Variants in TRPM4 observed in about 807,000 individuals in gnomAD.
TRPM4 encodes the protein calcium-activated non-selective cation channel 1.
In TRPM4, 124 loss-of-function variants were observed where a neutral mutation model predicts 135.6. The observed-to-expected ratio is 0.91, with a 90% CI of 0.79 to 1.06. TRPM4 has a LOEUF of 1.06. TRPM4 is among the 50% of genes least tolerant of loss of function. The probability of loss-of-function intolerance (pLI) is 0.00; values close to 1 mark genes in which losing one functional copy is unlikely to be tolerated. For missense variants in TRPM4, 1,658 were observed against 1,671.4 expected, an observed-to-expected ratio of 0.99 and a Z score of 0.14; for synonymous variants, 745 against 705.6, an observed-to-expected ratio of 1.06 and a Z score of -0.88.
intron 2 of TRPM4, among the ~76,000 whole-genome samples, chr19:49,163,386 A>G (rs1215114958): frequency 2.0e-5 from 3 of 147,340 alleles, no homozygotes; most frequent in Non-Finnish European, 3.0e-5. Flanking sequence ...AGTAGAGATA[A>G]GGTTTCACTA....
intron 9 of TRPM4, among the ~76,000 whole-genome samples, chr19:49,175,705 G>A (rs1389819788): frequency 1.3e-5 from 2 of 148,610 alleles, no homozygotes; most frequent in Admixed American, 1.3e-4. Flanking sequence ...CTGTCGCCCA[G>A]GCTGGAGTGC....
At chr19:49,197,296 CTCTTTCTTTCTTTTTCTTTCTTTCTT>C (rs1200532694) in intron 17 of TRPM4, among the ~76,000 whole-genome samples, 3 of 124,628 alleles carry the variant, frequency 2.4e-5, no homozygotes, top group Admixed American at 8.0e-5. Flanking sequence ...TTCTTTCTTT[CTCTTTCTTTCTTTTTCTTTCTTTCTT>C]TCTTTCTTTC....
Position 49,182,806 on chromosome 19 carries a change from CTCCGGCCCCCTGA to C in TRPM4, c.1493_1505del (p.Leu498ProfsTer6), listed in dbSNP as rs746896879. On this transcript the variant is annotated frameshift_variant, in exon 11 of 25. Coordinates refer to ENST00000252826, the MANE Select transcript of TRPM4 (RefSeq NM_017636.4). LOFTEE classifies it high-confidence loss of function. ...AGCCCTAAAAGGGGGAGCTGCGGAGCTCCGGCCCCCTGACGTGGGGCATGTGCTGAGGATGCTG... is the reference window on the plus strand; with the variant it reads ...AGCCCTAAAAGGGGGAGCTGCGGAGCCGTGGGGCATGTGCTGAGGATGCTG... 3.2e-6 allele frequency: 5 copies of C among 1,577,516 alleles called. No homozygotes were observed. The highest frequency in any genetic ancestry group is 4.4e-6 in the Non-Finnish European group (5 of 1,148,768).
chr19:49,210,843 G>T lies in TRPM4; in HGVS notation c.3461+1G>T. ...AGCGTCTGAAGCGCACGTCCCAGAA[G>T]TGAGAGCGGGGCCTGGTCGGGGATG... is the stretch of plus-strand genomic sequence containing the variant. On this transcript the variant is annotated splice_donor_variant, in intron 22 of 24. Coordinates refer to ENST00000252826, the MANE Select transcript of TRPM4 (RefSeq NM_017636.4). LOFTEE classifies it high-confidence loss of function. The surrounding 1 kb of genome is among the most constrained non-coding windows in gnomAD (Gnocchi z 4.1). 7 of 1,609,538 alleles carry T rather than the reference G, an allele frequency of 4.3e-6. No individual in the cohort carries two copies. The highest frequency in any genetic ancestry group is 1.1e-5 in the South Asian group (1 of 90,296).
intron 16 of TRPM4, among the ~76,000 whole-genome samples, chr19:49,194,600 CCTTTT>C (rs886835243): frequency 2.7e-5 from 4 of 150,868 alleles, no homozygotes; most frequent in African/African-American, 4.9e-5. Flanking sequence ...CCTTTCCTTT[CCTTTT>C]CTTTCCTTCC....
At chr19:49,183,316 G>A (rs112921696) in intron 12 of TRPM4, 104 bp downstream of exon 12, 38 of 1,490,554 alleles carry the variant, frequency 2.5e-5, no homozygotes, top group Middle Eastern at 4.1e-4. Context: ...GACGTCACCT[G>A]ACAGGCGCCC....
At chr19:49,204,494 G>A (rs8103023) in intron 20 of TRPM4, among the ~76,000 whole-genome samples, 1 of 151,498 alleles carries the variant, frequency 6.6e-6, no homozygotes, top group South Asian at 2.1e-4. Context: ...CAGCACTTTG[G>A]GGGGCTGAGG....
rs369123913 is a variant in TRPM4, at chr19:49,180,924, A to G, written c.1151-425A>G. On this transcript the variant is annotated intron_variant, in intron 9 of 24. Coordinates refer to ENST00000252826, the MANE Select transcript of TRPM4 (RefSeq NM_017636.4). ...CATCCATCCTTCTATCTGTCCATCC[A>G]TCCATCCTAATCATATTATATGCCT... Among the ~76,000 whole-genome samples the G allele has an allele frequency of 1.3e-3, 201 of 151,918 alleles. 3 individuals are homozygous for G. In the South Asian group the frequency reaches 0.04, roughly 30 times the overall value.
At chr19:49,174,605 A>G (rs1967603766) in intron 9 of TRPM4, among the ~76,000 whole-genome samples, 1 of 152,026 alleles carries the variant, frequency 6.6e-6, no homozygotes, top group South Asian at 2.1e-4. Context: ...TATAAAAAAT[A>G]CAAATAATAA....
intron 2 of TRPM4, chr19:49,158,781 AG>A (rs2041572397): frequency 6.2e-6 from 1 of 161,648 alleles, no homozygotes; most frequent in Non-Finnish European, 1.4e-5. Flanking sequence ...GCATCAAAAG[AG>A]GCTTGATCTC....
At chr19:49,178,517 T>A (rs770898564) in intron 9 of TRPM4, among the ~76,000 whole-genome samples, 7 of 151,260 alleles carry the variant, frequency 4.6e-5, no homozygotes, top group Non-Finnish European at 8.8e-5. Context: ...GCCTGTGAGA[T>A]GGGAGGAGCA....
chr19:49,200,647 G>C lies in TRPM4; in HGVS notation c.2815G>C (p.Val939Leu), dbSNP rs749058255. The C allele has an allele frequency of 1.2e-6, 2 of 1,613,888 alleles. No individual in the cohort carries two copies. Among genetic ancestry groups the C allele is most frequent in the African/African-American group, 1.3e-5 (1 of 75,042 alleles). The part of the protein sequence containing the change: ...DVFFFLFFLG[V>L]WLVAYGVATE... ...GTTCTTCTTCCTCTTCTTCCTCGGC[G>C]TGTGGCTGGTAGCCTATGGCGTGGC... Residue 939 changes from valine (V) to leucine (L), a missense_variant, in exon 19 of 25, where the codon GTG (valine) becomes CTG (leucine). Val to Leu is a conservative substitution (Grantham distance 32). Around this residue, in one of 3 missense-constraint regions of TRPM4, gnomAD observed 1,412 missense variants for 1,408.7 expected, o/e 1.00. Coordinates refer to ENST00000252826, the MANE Select transcript of TRPM4 (RefSeq NM_017636.4).
intron 2 of TRPM4, among the ~76,000 whole-genome samples, chr19:49,161,095 G>T (rs566957743): frequency 3.3e-5 from 5 of 152,154 alleles, no homozygotes; most frequent in African/African-American, 9.6e-5. Context: ...GGACCGAGGG[G>T]CATGTGGGGA....
intron 16 of TRPM4, among the ~76,000 whole-genome samples, chr19:49,193,130 G>GCCC: frequency 6.7e-6 from 1 of 150,146 alleles, no homozygotes; most frequent in South Asian, 2.1e-4. Flanking sequence ...GCCCAGGCTG[G>GCCC]AGTGCAGTGG....
At chr19:49,182,270 G>GTCCA (rs1295237751) in intron 10 of TRPM4, among the ~76,000 whole-genome samples, 1 of 86,300 alleles carries the variant, frequency 1.2e-5, no homozygotes, top group South Asian at 4.2e-4. Context: ...CCATTCATCT[G>GTCCA]TCCATCCATC....
At position 49,211,600 on chromosome 19, in the gene TRPM4, G is replaced by C. The variant is rs1969374185; in HGVS notation, c.*102G>C. ...CCCCGCACCTGGTGGCCTTGTCCTT[G>C]AGGTGAGCCCCATGTCCATCTGGGC... is the stretch of plus-strand genomic sequence containing the variant. On this transcript the variant is annotated 3_prime_UTR_variant, in exon 25 of 25. Coordinates refer to ENST00000252826, the MANE Select transcript of TRPM4 (RefSeq NM_017636.4). The surrounding 1 kb of genome is among the most constrained non-coding windows in gnomAD (Gnocchi z 4.8). 4.7e-6 allele frequency: 7 copies of C among 1,479,044 alleles called. No individual in the cohort carries two copies. Among genetic ancestry groups the C allele is most frequent in the Non-Finnish European group, 6.6e-6 (7 of 1,061,904 alleles). The allele number at this position is 1,479,044 out of a possible 1,614,324, so 91.6% of individuals were successfully genotyped here. A position where few individuals can be genotyped will look rare whatever the true frequency, so the allele number is the denominator to read the frequency against.
At chr19:49,172,203 G>A (rs1379557191) in intron 9 of TRPM4, 95 bp downstream of exon 9, 2 of 967,128 alleles carry the variant, frequency 2.1e-6, no homozygotes, top group Admixed American at 3.7e-5. Context: ...CTAATCCAAG[G>A]CCCATGCCCC....
chr19:49,158,410 C>T, intron 2 of TRPM4, 151 bp downstream of exon 2: 2 of 763,958 alleles, frequency 2.6e-6, no homozygotes, highest in Non-Finnish European at 2.3e-6. Context: ...CCTCTAGGAG[C>T]GTTTGGGTCT....
At position 49,211,568 on chromosome 19, in the gene TRPM4, C is replaced by T. The variant is rs1969372743; in HGVS notation, c.*70C>T. On this transcript the variant is annotated 3_prime_UTR_variant, in exon 25 of 25. Coordinates refer to ENST00000252826, the MANE Select transcript of TRPM4 (RefSeq NM_017636.4). The surrounding 1 kb of genome is among the most constrained non-coding windows in gnomAD (Gnocchi z 4.8). ...GCTCCTAGAGTAAGGCTCATCTGGG[C>T]CTCGGCCCCCGCACCTGGTGGCCTT... The T allele has an allele frequency of 1.2e-6, 2 of 1,601,486 alleles. No individual in the cohort carries two copies. Among genetic ancestry groups the T allele is most frequent in the African/African-American group, 1.3e-5 (1 of 74,652 alleles).
Sources: allele counts gnomAD v4.1 joint callset (sites outside exome capture counted in the v4.1 genomes callset), GRCh38; gene constraint gnomAD v4.1.1; regional missense constraint gnomAD v4.1.1; non-coding constraint Gnocchi (gnomAD v3.1); transcripts MANE v1.5; gene names NCBI Gene and HGNC (gene_info 2026-07-23, HGNC 2026-07-21).